The following LARP1 variants were observed in gnomAD, a reference collection of about 807,000 sequenced individuals.
The protein encoded by LARP1 is la-related protein 1.
In LARP1, 36 loss-of-function variants were observed where a neutral mutation model predicts 122.7. That is an observed-to-expected ratio of 0.29 (90% CI 0.22 to 0.39). The LOEUF (loss-of-function observed/expected upper bound fraction) is 0.39. Ranked by LOEUF, LARP1 falls within the 10% of genes least tolerant of loss-of-function variation. LARP1 has a pLI of 1.00. For synonymous variants in LARP1, 539 were observed against 528.7 expected, an observed-to-expected ratio of 1.02 and a Z score of -0.27; for missense variants, 1,040 against 1,403.6, an observed-to-expected ratio of 0.74 and a Z score of 4.14.
chr5:154,687,039 T>C (rs1753970279), intron 1 of LARP1, among the ~76,000 whole-genome samples: 1 of 152,196 alleles, frequency 6.6e-6, no homozygotes, highest in African/African-American at 2.4e-5. Flanking sequence ...GTGCTGTGAT[T>C]TTGCCAAGAG....
intron 3 of LARP1, among the ~76,000 whole-genome samples, chr5:154,791,772 C>T (rs1027745365): frequency 6.6e-6 from 1 of 152,134 alleles, no homozygotes; most frequent in Non-Finnish European, 1.5e-5. Flanking sequence ...GGTTTCACAT[C>T]CTGCTAATAC....
At position 154,790,762 on chromosome 5, in the gene LARP1, A is replaced by G. The variant is rs370127048; in HGVS notation, c.564+52A>G. 2.2e-5 allele frequency: 33 copies of G among 1,472,598 alleles called. No homozygotes were observed. The African/African-American group carries it at 4.3e-4, about 19-fold the overall frequency. The allele number at this position is 1,472,598 out of a possible 1,614,324, so 91.2% of individuals were successfully genotyped here. ...GTTTGAAGTCTCTTGACATACACACATTTAGCTCCTCAAGCTTCCAGAGAG... is the reference window on the plus strand; with the variant it reads ...GTTTGAAGTCTCTTGACATACACACGTTTAGCTCCTCAAGCTTCCAGAGAG... On this transcript the variant is annotated intron_variant, in intron 3 of 18. Coordinates refer to ENST00000518297, the MANE Select transcript of LARP1 (RefSeq NM_033551.3).
intron 8 of LARP1, among the ~76,000 whole-genome samples, chr5:154,795,860 T>G (rs1398108128): frequency 2.2e-5 from 3 of 134,668 alleles, no homozygotes; most frequent in African/African-American, 8.2e-5. Context: ...ATATATTTTA[T>G]ATACATTTAT....
intron 1 of LARP1, among the ~76,000 whole-genome samples, chr5:154,687,421 A>T (rs539339976): frequency 6.6e-6 from 1 of 152,056 alleles, no homozygotes; most frequent in Admixed American, 6.6e-5. Context: ...TCACTCTGTC[A>T]CCTAGGCCGG....
At chr5:154,743,283 G>A (rs1225561795) in intron 1 of LARP1, among the ~76,000 whole-genome samples, 1 of 151,348 alleles carries the variant, frequency 6.6e-6, no homozygotes, top group Non-Finnish European at 1.5e-5. Context: ...ATTATTAACC[G>A]CAAGGGCTAT....
chr5:154,749,754 T>C (rs1327180583), intron 1 of LARP1, among the ~76,000 whole-genome samples: 5 of 152,158 alleles, frequency 3.3e-5, no homozygotes, highest in Non-Finnish European at 7.4e-5. Flanking sequence ...AGGGGCCCCA[T>C]AGCAGAAGTA....
At chr5:154,732,102 G>T (rs1438121245) in intron 1 of LARP1, among the ~76,000 whole-genome samples, 1 of 151,354 alleles carries the variant, frequency 6.6e-6, no homozygotes, top group Non-Finnish European at 1.5e-5. Flanking sequence ...GGAGGCGGAG[G>T]TTGCAGTGAG....
upstream of LARP1, among the ~76,000 whole-genome samples, chr5:154,709,661 A>C (rs1187045564): frequency 2.0e-5 from 3 of 148,442 alleles, no homozygotes; most frequent in Non-Finnish European, 4.4e-5. Context: ...TGGGCTCACC[A>C]AAACTGTGAC....
rs972671882 is a variant in LARP1, at chr5:154,787,572, G to A, written c.437-2753G>A. On this transcript the variant is annotated intron_variant, in intron 1 of 18. Coordinates refer to ENST00000518297, the MANE Select transcript of LARP1 (RefSeq NM_033551.3). ...CCATTCTGGGTTTCCTTGAAGCCCA[G>A]TAGTATTTTAACAAATCTATGAATT... Among the ~76,000 whole-genome samples the A allele has an allele frequency of 4.6e-5, 7 of 152,344 alleles. No individual in the cohort carries two copies. The East Asian group carries it at 7.7e-4, about 17-fold the overall frequency.
Position 154,790,391 on chromosome 5 carries a change from A to G in LARP1, c.498+5A>G. The stretch of plus-strand genomic sequence containing the variant: ...AAACAGCGCAAAGGCAGCAAGGTAA[A>G]GAATAACAGTGGGCAACCCAAGGGG... On this transcript the variant is annotated splice_donor_5th_base_variant and intron_variant, in intron 2 of 18. Coordinates refer to ENST00000518297, the MANE Select transcript of LARP1 (RefSeq NM_033551.3). 1 of 1,613,034 alleles carries G rather than the reference A, an allele frequency of 6.2e-7. No homozygotes were observed. Among genetic ancestry groups the G allele is most frequent in the East Asian group, 2.2e-5 (1 of 44,864 alleles).
chr5:154,763,110 G>A (rs1754608232), intron 1 of LARP1, among the ~76,000 whole-genome samples: 1 of 147,426 alleles, frequency 6.8e-6, no homozygotes, highest in Non-Finnish European at 1.5e-5. Flanking sequence ...TGCCCAGGCT[G>A]GAGTGCAGTG....
chr5:154,712,917 G>C, exon 1 of LARP1: 2 of 1,613,820 alleles, frequency 1.2e-6, no homozygotes, highest in Non-Finnish European at 1.7e-6. Context: ...CCCAGGCCCT[G>C]GTCACTCCAT....
At chr5:154,701,104 C>T (rs1037086447) in intron 1 of LARP1, among the ~76,000 whole-genome samples, 14 of 152,164 alleles carry the variant, frequency 9.2e-5, no homozygotes, top group Admixed American at 2.0e-4. Context: ...CCACTGTGCT[C>T]GCTCTGAGTT....
At chr5:154,764,913 A>G (rs1414595402) in intron 1 of LARP1, among the ~76,000 whole-genome samples, 1 of 152,022 alleles carries the variant, frequency 6.6e-6, no homozygotes, top group East Asian at 1.9e-4. Flanking sequence ...ACAAAAAAAA[A>G]AAAAAAGAAA....
intron 8 of LARP1, among the ~76,000 whole-genome samples, chr5:154,797,934 T>G (rs1758019981): frequency 6.6e-6 from 1 of 152,168 alleles, no homozygotes; most frequent in Admixed American, 6.5e-5. Context: ...ATCCTCTCAC[T>G]TCGGCTTCCA....
At chr5:154,738,371 C>T (rs1354505979) in intron 1 of LARP1, among the ~76,000 whole-genome samples, 2 of 152,002 alleles carry the variant, frequency 1.3e-5, no homozygotes, top group Non-Finnish European at 1.5e-5. Context: ...GTGGGTGGAT[C>T]GCCTGAGGTC....
intron 1 of LARP1, among the ~76,000 whole-genome samples, chr5:154,784,631 A>G (rs1011536668): frequency 6.6e-6 from 1 of 152,148 alleles, no homozygotes; most frequent in South Asian, 2.1e-4. Context: ...CTTTCTTTGA[A>G]TAGCTCAGCC....
intron 1 of LARP1, among the ~76,000 whole-genome samples, chr5:154,701,872 C>G (rs541287668): frequency 6.6e-6 from 1 of 152,120 alleles, no homozygotes; most frequent in Non-Finnish European, 1.5e-5. Flanking sequence ...CCACCCCTGT[C>G]GGCCTTCCAA....
intron 1 of LARP1, among the ~76,000 whole-genome samples, chr5:154,732,467 T>C (rs1756646790): frequency 6.6e-6 from 1 of 152,214 alleles, no homozygotes; most frequent in Non-Finnish European, 1.5e-5. Context: ...CCTTGAGTAC[T>C]ACAGGGGGAA....
Sources: allele counts gnomAD v4.1 joint callset (sites outside exome capture counted in the v4.1 genomes callset), GRCh38; gene constraint gnomAD v4.1.1; transcripts MANE v1.5; gene names NCBI Gene and HGNC (gene_info 2026-07-23, HGNC 2026-07-21).